PBX1: variants seen among roughly 807,000 people sequenced by gnomAD.
The protein encoded by PBX1 is pre-B-cell leukemia transcription factor 1.
A neutral mutation model predicts 53.4 loss-of-function variants in PBX1; 6 were observed. That is an observed-to-expected ratio of 0.11 (90% CI 0.06 to 0.22). PBX1 has a LOEUF of 0.22. PBX1 is among the 10% of genes least tolerant of loss of function. The pLI is 1.00. For synonymous variants in PBX1, 204 were observed against 212.3 expected, an observed-to-expected ratio of 0.96 and a Z score of 0.34; for missense variants, 251 against 551.4, an observed-to-expected ratio of 0.46 and a Z score of 5.46.
chr1:164,853,965 G>A (rs190806950), downstream of PBX1, among the ~76,000 whole-genome samples: 17 of 147,804 alleles, frequency 1.2e-4, no homozygotes, highest in East Asian at 1.8e-3. Context: ...ACGGTATCTC[G>A]TGTGATCTCT....
chr1:164,767,658 A>G (rs1239933337), intron 2 of PBX1, among the ~76,000 whole-genome samples: 1 of 143,448 alleles, frequency 7.0e-6, no homozygotes, highest in Non-Finnish European at 1.5e-5. Context: ...TCAAAAAAAG[A>G]AAAAAAAAAA....
chr1:164,807,940 A>C (rs1481428030), intron 5 of PBX1, among the ~76,000 whole-genome samples: 1 of 152,240 alleles, frequency 6.6e-6, no homozygotes, highest in African/African-American at 2.4e-5. Context: ...GGTTCTTCCC[A>C]TCGAGCACTC....
At chr1:164,570,584 C>A (rs1240141604) in intron 2 of PBX1, among the ~76,000 whole-genome samples, 1 of 152,220 alleles carries the variant, frequency 6.6e-6, no homozygotes, top group Non-Finnish European at 1.5e-5. Flanking sequence ...ATATGTGCCA[C>A]ATTTTCTTTA....
In PBX1 at chr1:164,849,049, A is replaced by G; in HGVS notation, c.*2373A>G. On this transcript the variant is annotated 3_prime_UTR_variant, in exon 9 of 9. Transcript: ENST00000420696. ...TCATAGTGATTAGAATCAGTGGAGA[A>G]CTCCATCTTAGTGGCAGGAATATAA... The G allele has an allele frequency of 7.9e-7, 1 of 1,267,012 alleles. No homozygotes were observed. Among genetic ancestry groups the G allele is most frequent in the Non-Finnish European group, 1.0e-6 (1 of 999,690 alleles). The allele number at this position is 1,267,012 out of a possible 1,614,324, so 78.5% of individuals were successfully genotyped here.
At chr1:164,762,564 TG>T (rs1456805378) in intron 2 of PBX1, among the ~76,000 whole-genome samples, 6 of 152,338 alleles carry the variant, frequency 3.9e-5, no homozygotes, top group African/African-American at 1.4e-4. Flanking sequence ...ATTAGTTATC[TG>T]GGTCTGCAGT....
At chr1:164,680,131 A>G (rs1255215945) in intron 2 of PBX1, 1 of 152,220 alleles carries the variant, frequency 6.6e-6, no homozygotes, top group Non-Finnish European at 1.5e-5. Flanking sequence ...TGTTGGTAGG[A>G]TGGACCTACA....
chr1:164,696,364 A>G (rs1310236499), intron 2 of PBX1, among the ~76,000 whole-genome samples: 1 of 152,162 alleles, frequency 6.6e-6, no homozygotes, highest in Non-Finnish European at 1.5e-5. Context: ...TCATTTATTT[A>G]TTTGGATTCC....
chr1:164,871,811 A>T (rs1672389502), intron 2 of PBX1, among the ~76,000 whole-genome samples: 1 of 152,048 alleles, frequency 6.6e-6, no homozygotes, highest in South Asian at 2.1e-4. Context: ...CTCAGGAAGA[A>T]TGGACCGCTC....
intron 2 of PBX1, among the ~76,000 whole-genome samples, chr1:164,739,757 G>A (rs1446495957): frequency 4.4e-5 from 3 of 68,402 alleles, no homozygotes; most frequent in African/African-American, 1.1e-4. Flanking sequence ...TTGTGCATGT[G>A]TGTGTGTGTG....
At chr1:164,646,002 T>A (rs1378750389) in intron 2 of PBX1, among the ~76,000 whole-genome samples, 1 of 152,138 alleles carries the variant, frequency 6.6e-6, no homozygotes, top group Non-Finnish European at 1.5e-5. Flanking sequence ...AGTTATCTCA[T>A]CTATAAGTGG....
At chr1:164,677,724 G>T (rs1471056677) in intron 2 of PBX1, among the ~76,000 whole-genome samples, 1 of 152,030 alleles carries the variant, frequency 6.6e-6, no homozygotes, top group African/African-American at 2.4e-5. Context: ...TGTGTGCAGG[G>T]TGGGGACACA....
chr1:164,741,540 G>A (rs1186885707), intron 2 of PBX1, among the ~76,000 whole-genome samples: 2 of 152,194 alleles, frequency 1.3e-5, no homozygotes, highest in African/African-American at 4.8e-5. Flanking sequence ...GTAACTGCAG[G>A]AGTAGTCTGT....
intron 2 of PBX1, chr1:164,641,773 C>A (rs997358590): frequency 2.0e-5 from 3 of 152,210 alleles, no homozygotes; most frequent in African/African-American, 7.2e-5. Context: ...TATCCACTCT[C>A]TCCAAATGGT....
chr1:164,821,614 G>A lies in PBX1; in HGVS notation c.1188G>A (p.Pro396=), dbSNP rs533693615. ...DGLAASQMYS[P]QGISANGGWQ... is the part of the protein sequence containing the mutation. The stretch of plus-strand genomic sequence containing the variant: ...TCGCAGCCAGTCAGATGTACAGTCC[G>A]CAGGGCATCAGTGTAAGAAAACAAG... The change falls in exon 8 of 9, where the codon CCG becomes CCA. Residue 396 remains proline, a synonymous_variant. Transcript: ENST00000420696. The A allele has an allele frequency of 6.5e-5, 105 of 1,613,100 alleles. No individual in the cohort carries two copies. The highest frequency in any genetic ancestry group is 6.0e-4 in the East Asian group (27 of 44,890).
chr1:164,874,185 TTGAGCTTA>T (rs1672448579), intron 2 of PBX1, among the ~76,000 whole-genome samples: 2 of 152,136 alleles, frequency 1.3e-5, no homozygotes, highest in Non-Finnish European at 2.9e-5. Context: ...GGTATTTCAC[TTGAGCTTA>T]TCTTCACCCT....
intron 2 of PBX1, among the ~76,000 whole-genome samples, chr1:164,618,309 G>GA (rs1332633904): frequency 6.9e-6 from 1 of 143,964 alleles, no homozygotes; most frequent in Non-Finnish European, 1.5e-5. Flanking sequence ...GGGGGGGGGG[G>GA]GCACTCAAGA....
At chr1:164,724,612 T>C (rs904199590) in intron 2 of PBX1, among the ~76,000 whole-genome samples, 2 of 151,144 alleles carry the variant, frequency 1.3e-5, no homozygotes, top group African/African-American at 2.4e-5. Context: ...GTGTTAATGA[T>C]ATGTTTCATG....
intron 2 of PBX1, among the ~76,000 whole-genome samples, chr1:164,782,982 T>C (rs1169292539): frequency 1.3e-5 from 2 of 152,206 alleles, no homozygotes; most frequent in Non-Finnish European, 2.9e-5. Flanking sequence ...TATTTTTTAA[T>C]GGAAATTTGA....
intron 2 of PBX1, among the ~76,000 whole-genome samples, chr1:164,566,761 A>C (rs1046957618): frequency 6.6e-6 from 1 of 152,202 alleles, no homozygotes; most frequent in Non-Finnish European, 1.5e-5. Context: ...ATTGAATGCC[A>C]TTTACTAAGG....
Sources: allele counts gnomAD v4.1 joint callset (sites outside exome capture counted in the v4.1 genomes callset), GRCh38; gene constraint gnomAD v4.1.1; transcripts MANE v1.5; gene names NCBI Gene and HGNC (gene_info 2026-07-23, HGNC 2026-07-21).